DLG2: variants seen among roughly 807,000 people sequenced by gnomAD.
DLG2 encodes disks large homolog 2.
A neutral mutation model predicts 132.5 loss-of-function variants in DLG2; 45 were observed. That is an observed-to-expected ratio of 0.34 (90% CI 0.27 to 0.44). The LOEUF (loss-of-function observed/expected upper bound fraction) is 0.44. DLG2 is among the 20% of genes least tolerant of loss of function. The pLI is 1.00. For synonymous variants in DLG2, 424 were observed against 419.6 expected, an observed-to-expected ratio of 1.01 and a Z score of -0.13; for missense variants, 1,045 against 1,196.9, an observed-to-expected ratio of 0.87 and a Z score of 1.87.
intron 22 of DLG2, chr11:83,480,530 G>A (rs997128898): frequency 9.3e-6 from 14 of 1,509,194 alleles, no homozygotes; most frequent in East Asian, 2.5e-5. Flanking sequence ...AGTAAAAGCC[G>A]CAGAGGAGGC....
At chr11:85,552,083 T>C (rs557250442) in intron 3 of DLG2, among the ~76,000 whole-genome samples, 3 of 129,726 alleles carry the variant, frequency 2.3e-5, no homozygotes, top group South Asian at 2.3e-4. Flanking sequence ...ATTCATGAAA[T>C]GGGACTTAAA....
rs144598515 is a variant in DLG2, at chr11:83,541,819, C to T, written c.1980G>A (p.Leu660=). 1 of 1,612,304 alleles carries T rather than the reference C, an allele frequency of 6.2e-7. No individual in the cohort carries two copies. Among genetic ancestry groups the T allele is most frequent in the Non-Finnish European group, 8.5e-7 (1 of 1,179,008 alleles). ...FDYDKSKDSG[L]PSQGLSFKYG... is the part of the protein sequence containing the mutation. Reference sequence around the variant, plus strand: ...ATTTAAAACTAAGTCCTTGACTTGGCAGCCCACTGTCCTTGCTCTTGTCGT... The same window carrying T: ...ATTTAAAACTAAGTCCTTGACTTGGTAGCCCACTGTCCTTGCTCTTGTCGT... The change falls in exon 20 of 28, where the codon CTG becomes CTA. Residue 660 remains leucine, a synonymous_variant. Transcript: ENST00000376104.
intron 4 of DLG2, among the ~76,000 whole-genome samples, chr11:85,252,735 T>C (rs1429166330): frequency 2.0e-5 from 3 of 152,168 alleles, no homozygotes; most frequent in Non-Finnish European, 4.4e-5. Flanking sequence ...TGTATTTATA[T>C]ATACAGAATT....
intron 15 of DLG2, among the ~76,000 whole-genome samples, chr11:83,906,987 A>T: frequency 6.6e-6 from 1 of 152,172 alleles, no homozygotes; most frequent in Non-Finnish European, 1.5e-5. Flanking sequence ...ATACTATGAA[A>T]TTGCTAAGAA....
At chr11:84,553,388 A>T (rs1241521197) in intron 6 of DLG2, among the ~76,000 whole-genome samples, 1 of 152,216 alleles carries the variant, frequency 6.6e-6, no homozygotes, top group East Asian at 1.9e-4. Flanking sequence ...TTATCAACCT[A>T]AAATGTCATA....
chr11:85,065,428 C>A (rs1223478895), intron 6 of DLG2, among the ~76,000 whole-genome samples: 2 of 151,528 alleles, frequency 1.3e-5, no homozygotes, highest in East Asian at 3.9e-4. Flanking sequence ...CATCATTTCA[C>A]AGAGGAGGAT....
At chr11:85,614,021 C>T (rs1053422095) in intron 2 of DLG2, among the ~76,000 whole-genome samples, 1 of 152,106 alleles carries the variant, frequency 6.6e-6, no homozygotes, top group African/African-American at 2.4e-5. Context: ...CTGAAGTCAG[C>T]GAGACCATGA....
chr11:83,493,684 A>C (rs1379133602), intron 21 of DLG2, among the ~76,000 whole-genome samples: 2 of 152,066 alleles, frequency 1.3e-5, no homozygotes, highest in Non-Finnish European at 2.9e-5. Context: ...TCCTTAAGTA[A>C]AGTGCTTATT....
chr11:83,991,960 T>C (rs2093742242), intron 11 of DLG2, among the ~76,000 whole-genome samples: 1 of 152,060 alleles, frequency 6.6e-6, no homozygotes, highest in African/African-American at 2.4e-5. Flanking sequence ...GAAGAGGAAA[T>C]TTGGACACAG....
rs754142129 is a variant in DLG2 at position 85,360,109 on chromosome 11, G to A, written c.41-74744C>T. 4.6e-5 allele frequency among the ~76,000 whole-genome samples: 7 copies of A among 152,150 alleles called. 1 individual carries two copies. In the South Asian group the frequency reaches 6.2e-4, roughly 14 times the overall value. On this transcript the variant is annotated intron_variant, in intron 3 of 27. Coordinates refer to ENST00000376104, the MANE Select transcript of DLG2 (RefSeq NM_001142699.3). ...CTGTGCTGTGTGAAGGATTCAGTTG[G>A]ACGGAAAAGTCCTCTACAATTCAAA...
intron 3 of DLG2, among the ~76,000 whole-genome samples, chr11:85,480,412 G>GA (rs950167767): frequency 4.0e-5 from 6 of 149,352 alleles, no homozygotes; most frequent in South Asian, 2.1e-4. Context: ...CATGAAGCAA[G>GA]AAAAAAAAAG....
chr11:85,330,792 T>TAAAAAAAAAAAAAAAAAAAATA (rs56995757), intron 3 of DLG2, among the ~76,000 whole-genome samples: 2 of 116,466 alleles, frequency 1.7e-5, no homozygotes, highest in African/African-American at 3.1e-5. Flanking sequence ...AAAAAAAAAT[T>TAAAAAAAAAAAAAAAAAAAATA]AAAAAAAAAA....
intron 6 of DLG2, among the ~76,000 whole-genome samples, chr11:84,872,094 C>T (rs1312744836): frequency 2.0e-5 from 3 of 152,136 alleles, no homozygotes; most frequent in Non-Finnish European, 4.4e-5. Context: ...TACCAGTACT[C>T]GTGAATACAT....
intron 4 of DLG2, among the ~76,000 whole-genome samples, chr11:85,189,270 CAAAAT>C (rs1052728657): frequency 2.0e-5 from 3 of 151,986 alleles, no homozygotes; most frequent in African/African-American, 7.2e-5. Flanking sequence ...AAAAGGAAAA[CAAAAT>C]AAAGTCATTC....
At chr11:84,416,152 C>T (rs2098928882) in intron 7 of DLG2, among the ~76,000 whole-genome samples, 1 of 152,040 alleles carries the variant, frequency 6.6e-6, no homozygotes, top group Non-Finnish European at 1.5e-5. Context: ...TTTCATGACC[C>T]TATATTCATA....
intron 17 of DLG2, among the ~76,000 whole-genome samples, chr11:83,821,558 T>C (rs1304402066): frequency 6.6e-6 from 1 of 152,164 alleles, no homozygotes; most frequent in Non-Finnish European, 1.5e-5. Context: ...CCCCTGAAGG[T>C]GAGAACAATG....
chr11:85,383,423 C>T (rs993643958), intron 3 of DLG2, among the ~76,000 whole-genome samples: 14 of 152,082 alleles, frequency 9.2e-5, no homozygotes, highest in South Asian at 2.1e-4. Context: ...ACTAACAAAA[C>T]GCTGAATTGT....
chr11:83,546,505 T>C (rs148059813), intron 19 of DLG2, among the ~76,000 whole-genome samples: 3 of 152,248 alleles, frequency 2.0e-5, no homozygotes, highest in East Asian at 3.9e-4. Flanking sequence ...GGATGACACA[T>C]GTAAAGTACC....
chr11:84,394,501 T>C (rs1034234015), intron 7 of DLG2, among the ~76,000 whole-genome samples: 6 of 152,156 alleles, frequency 3.9e-5, no homozygotes, highest in Admixed American at 3.9e-4. Context: ...GATGGCTCTT[T>C]CTCATTTTCA....
Sources: allele counts gnomAD v4.1 joint callset (sites outside exome capture counted in the v4.1 genomes callset), GRCh38; gene constraint gnomAD v4.1.1; transcripts MANE v1.5; gene names NCBI Gene and HGNC (gene_info 2026-07-23, HGNC 2026-07-21).